Variants in ADAM32 observed in about 807,000 individuals in gnomAD.
ADAM32 encodes disintegrin and metalloproteinase domain-containing protein 32.
Under a neutral mutation model 114.9 loss-of-function variants are expected in ADAM32, and 89 were observed. The ratio of observed to expected loss-of-function variants is 0.77; its 90% CI spans 0.65 to 0.92. ADAM32 has a LOEUF of 0.92. ADAM32 is among the 40% of genes least tolerant of loss of function. ADAM32 has a pLI of 0.00. For missense variants in ADAM32, 870 were observed against 932.8 expected, an observed-to-expected ratio of 0.93 and a Z score of 0.88; for synonymous variants, 285 against 307.5, an observed-to-expected ratio of 0.93 and a Z score of 0.77.
chr8:39,262,197 G>A (rs888588631), intron 19 of ADAM32, among the ~76,000 whole-genome samples: 2 of 148,688 alleles, frequency 1.3e-5, no homozygotes, highest in Admixed American at 1.3e-4. Flanking sequence ...ACTTTGATCC[G>A]TTATGAGTTT....
intron 19 of ADAM32, among the ~76,000 whole-genome samples, chr8:39,263,551 T>G (rs530485133): frequency 5.3e-5 from 8 of 152,314 alleles, no homozygotes; most frequent in African/African-American, 1.4e-4. Context: ...CTTTTGCGAT[T>G]GGAATAGGGC....
chr8:39,210,507 T>C (rs1302916617), intron 11 of ADAM32, among the ~76,000 whole-genome samples: 1 of 152,150 alleles, frequency 6.6e-6, no homozygotes, highest in Non-Finnish European at 1.5e-5. Flanking sequence ...TTACTCTGCC[T>C]CCTCTTCCAC....
At position 39,233,903 on chromosome 8, in the gene ADAM32, CT is replaced by C; in HGVS notation, c.1641del (p.Ile548TyrfsTer5). 6.6e-7 allele frequency: 1 copy of C among 1,515,340 alleles called. No homozygotes were observed. The allele number at this position is 1,515,340 out of a possible 1,614,324, so 93.9% of individuals were successfully genotyped here. On this transcript the variant is annotated frameshift_variant, in exon 16 of 25. Coordinates refer to ENST00000379907, the MANE Select transcript of ADAM32 (RefSeq NM_145004.7). LOFTEE classifies it high-confidence loss of function. ...NKYVFCGWRNLICGRLVCTYP... is the reference protein window; with the variant it reads ...NKYVFCGWRNXICGRLVCTYP... ...ATATATTTTTTATGTTTTCAGGAAT[CT>C]TATATGTGGAAGATTAGTTTGTACC... is the stretch of plus-strand genomic sequence containing the variant.
Position 39,187,020 on chromosome 8 carries a change from AC to A in ADAM32, c.1029del (p.Cys344ValfsTer2). ...AAAGAAATGTCAATGTTCAGAATCC[AC>A]CTGTATAATGAATCCAGAAGTTGTG... ...DPKKCQCSES[T>X]CIMNPEVVQS... is the part of the protein sequence containing the mutation. On this transcript the variant is annotated frameshift_variant, in exon 11 of 25. Transcript: ENST00000379907. LOFTEE classifies it high-confidence loss of function. 6.2e-7 allele frequency: 1 copy of A among 1,611,058 alleles called. No individual in the cohort carries two copies. The highest frequency in any genetic ancestry group is 8.5e-7 in the Non-Finnish European group (1 of 1,178,720).
chr8:39,269,116 G>A (rs1812549597), intron 19 of ADAM32, among the ~76,000 whole-genome samples: 1 of 152,192 alleles, frequency 6.6e-6, no homozygotes, highest in Non-Finnish European at 1.5e-5. Flanking sequence ...TTCCTTCTAA[G>A]CATTTTCTTT....
chr8:39,141,648 G>A (rs981150371), intron 3 of ADAM32, among the ~76,000 whole-genome samples: 4 of 152,178 alleles, frequency 2.6e-5, no homozygotes, highest in Non-Finnish European at 5.9e-5. Flanking sequence ...ATGTGGTGCT[G>A]AGAAGAATGT....
chr8:39,162,861 C>T (rs1354775991), intron 7 of ADAM32, among the ~76,000 whole-genome samples: 10 of 151,970 alleles, frequency 6.6e-5, no homozygotes, highest in African/African-American at 2.4e-4. Context: ...ATTAGCCAGG[C>T]GTGGTGGTGG....
At chr8:39,206,612 G>A (rs1564600344) in intron 11 of ADAM32, among the ~76,000 whole-genome samples, 1 of 152,176 alleles carries the variant, frequency 6.6e-6, no homozygotes, top group Non-Finnish European at 1.5e-5. Context: ...TCAAGCTCTG[G>A]GGAGCATTTG....
intron 15 of ADAM32, 146 bp from the exon 16 acceptor site, chr8:39,233,753 T>C (rs1809903444): frequency 3.9e-6 from 2 of 514,574 alleles, no homozygotes; most frequent in African/African-American, 4.0e-5. Flanking sequence ...TACTTTTTAC[T>C]TTGTTACCGT....
chr8:39,167,322 T>G (rs1232523820), intron 9 of ADAM32: 2 of 152,180 alleles, frequency 1.3e-5, no homozygotes, highest in African/African-American at 4.8e-5. Context: ...CTTTATGTTT[T>G]TGTTTGCTTT....
intron 2 of ADAM32, among the ~76,000 whole-genome samples, chr8:39,125,750 T>C (rs1326338459): frequency 6.6e-6 from 1 of 152,152 alleles, no homozygotes; most frequent in Non-Finnish European, 1.5e-5. Context: ...ATCCATACCT[T>C]TGTCCTGAAT....
chr8:39,236,442 G>T (rs1361816187), intron 16 of ADAM32, among the ~76,000 whole-genome samples: 9 of 151,782 alleles, frequency 5.9e-5, no homozygotes, highest in Admixed American at 5.9e-4. Flanking sequence ...TTATTTTATT[G>T]ATATCCTCCA....
At chr8:39,174,907 T>C (rs1805426365) in intron 10 of ADAM32, among the ~76,000 whole-genome samples, 2 of 152,130 alleles carry the variant, frequency 1.3e-5, no homozygotes, top group South Asian at 4.1e-4. Context: ...TCACTTCCCT[T>C]GTTAGCTGTA....
At position 39,227,495 on chromosome 8, in the gene ADAM32, C is replaced by T. The variant is rs767583903; in HGVS notation, c.1525+4257C>T. Among the ~76,000 whole-genome samples, 103 of 152,070 alleles carry T rather than the reference C, an allele frequency of 6.8e-4. 1 individual carries two copies. The highest frequency in any genetic ancestry group is 3.9e-4 in the Admixed American group (6 of 15,272). ...GACTCGGGGCTGTTAAATTGGGGCA[C>T]GGTGGGAGTGAGACAGGCCCTTCAG... On this transcript the variant is annotated intron_variant, in intron 14 of 24. Transcript: ENST00000379907.
At chr8:39,202,477 C>T (rs906007126) in intron 11 of ADAM32, among the ~76,000 whole-genome samples, 2 of 151,994 alleles carry the variant, frequency 1.3e-5, no homozygotes, top group African/African-American at 4.8e-5. Flanking sequence ...GGTGATATCC[C>T]CTTTATCATT....
At chr8:39,279,534 G>A (rs915296076) in intron 22 of ADAM32, among the ~76,000 whole-genome samples, 6 of 152,150 alleles carry the variant, frequency 3.9e-5, no homozygotes, top group East Asian at 1.9e-4. Context: ...CACTCGCCTC[G>A]GCCTCCCAAA....
At chr8:39,137,174 A>G (rs1205067366) in intron 3 of ADAM32, among the ~76,000 whole-genome samples, 2 of 152,218 alleles carry the variant, frequency 1.3e-5, no homozygotes, top group East Asian at 3.8e-4. Flanking sequence ...TCAGAGAATT[A>G]TTAAATAATT....
chr8:39,133,928 C>T (rs945834557), intron 2 of ADAM32, among the ~76,000 whole-genome samples: 1 of 152,188 alleles, frequency 6.6e-6, no homozygotes, highest in African/African-American at 2.4e-5. Context: ...CGTGAGGTTG[C>T]TGTCAGTGCT....
At chr8:39,219,018 C>A (rs186549059) in intron 12 of ADAM32, among the ~76,000 whole-genome samples, 2 of 152,086 alleles carry the variant, frequency 1.3e-5, no homozygotes, top group African/African-American at 4.8e-5. Flanking sequence ...TTCAAGGCAG[C>A]AGGTTCCCTT....
Sources: allele counts gnomAD v4.1 joint callset (sites outside exome capture counted in the v4.1 genomes callset), GRCh38; gene constraint gnomAD v4.1.1; transcripts MANE v1.5; gene names NCBI Gene and HGNC (gene_info 2026-07-23, HGNC 2026-07-21).